GSTCD: variants seen among roughly 807,000 people sequenced by gnomAD.
GSTCD encodes glutathione S-transferase C-terminal domain containing.
In GSTCD, 44 loss-of-function variants were observed where a neutral mutation model predicts 68.3. The ratio of observed to expected loss-of-function variants is 0.64; its 90% confidence interval spans 0.51 to 0.83. The LOEUF (loss-of-function observed/expected upper bound fraction) is 0.83, where lower values mean the gene tolerates loss of function less well. Among genes scored for constraint, GSTCD ranks in the 40% least tolerant of loss-of-function variants. The pLI, the probability that GSTCD is intolerant of heterozygous loss-of-function variation, is 0.00. For missense variants in GSTCD, 739 were observed against 735.9 expected, an observed-to-expected ratio of 1.00 and a Z score of -0.05; for synonymous variants, 273 against 255.2, an observed-to-expected ratio of 1.07 and a Z score of -0.67.
intron 5 of GSTCD, among the ~76,000 whole-genome samples, chr4:105,742,697 G>T (rs1578427287): frequency 7.3e-6 from 1 of 137,274 alleles, no homozygotes; most frequent in African/African-American, 2.6e-5. Flanking sequence ...TTTTTTTGTT[G>T]TTGTTTTTAC....
At chr4:105,763,279 TAACTA>T (rs1209061136) in intron 5 of GSTCD, among the ~76,000 whole-genome samples, 1 of 152,128 alleles carries the variant, frequency 6.6e-6, no homozygotes, top group African/African-American at 2.4e-5. Context: ...GCAAAGGAAA[TAACTA>T]TACTTAAGGA....
chr4:105,790,242 C>A (rs539501889), intron 5 of GSTCD, among the ~76,000 whole-genome samples: 27 of 152,128 alleles, frequency 1.8e-4, no homozygotes, highest in African/African-American at 6.5e-4. Flanking sequence ...ACAATAAACT[C>A]ATATTTTTAA....
chr4:105,763,611 A>G (rs538511170), intron 5 of GSTCD, among the ~76,000 whole-genome samples: 3 of 152,170 alleles, frequency 2.0e-5, no homozygotes, highest in Non-Finnish European at 4.4e-5. Flanking sequence ...TTTACATACC[A>G]TTTTTTAATG....
intron 9 of GSTCD, among the ~76,000 whole-genome samples, chr4:105,835,236 G>T (rs907513171): frequency 6.6e-6 from 1 of 152,170 alleles, no homozygotes; most frequent in Non-Finnish European, 1.5e-5. Context: ...CCTGAGTTTT[G>T]CTTGGGCCCA....
At chr4:105,834,661 A>T in intron 9 of GSTCD, 67 bp downstream of exon 9, 1 of 1,430,256 alleles carries the variant, frequency 7.0e-7, no homozygotes, top group South Asian at 1.4e-5. Context: ...AACTTGTTTG[A>T]TATAAAGTTG....
At chr4:105,823,140 G>A (rs1400352663) in intron 6 of GSTCD, 71 bp downstream of exon 6, 6 of 1,570,132 alleles carry the variant, frequency 3.8e-6, no homozygotes, top group Non-Finnish European at 5.3e-6. Flanking sequence ...TACATTCAAG[G>A]TCATGTTTTT....
chr4:105,774,598 C>T (rs779293308), intron 5 of GSTCD, among the ~76,000 whole-genome samples: 1 of 152,128 alleles, frequency 6.6e-6, no homozygotes, highest in Admixed American at 6.5e-5. Context: ...TTTATTTCTC[C>T]TTTGCTTATG....
intron 5 of GSTCD, among the ~76,000 whole-genome samples, chr4:105,734,737 T>C (rs1733394404): frequency 6.6e-6 from 1 of 152,228 alleles, no homozygotes; most frequent in Admixed American, 6.5e-5. Context: ...CTGCATTCCT[T>C]TGGAGGGGGA....
chr4:105,831,840 G>A (rs1490787454), intron 8 of GSTCD, among the ~76,000 whole-genome samples: 3 of 152,290 alleles, frequency 2.0e-5, no homozygotes, highest in Admixed American at 1.3e-4. Context: ...GGAGGCTGAG[G>A]CAGGAGAATT....
chr4:105,847,136 T>G lies in GSTCD; in HGVS notation c.*1559T>G, dbSNP rs548068424. On this transcript the variant is annotated 3_prime_UTR_variant, in exon 12 of 12. Coordinates refer to ENST00000515279, the MANE Select transcript of GSTCD (RefSeq NM_001370181.1). Reference sequence around the variant, plus strand: ...ATTTTAAAAGACAAATGATGCATCCTTTCTCAATGCTGCTAATTCTTTAAA... The same window carrying G: ...ATTTTAAAAGACAAATGATGCATCCGTTCTCAATGCTGCTAATTCTTTAAA... 1 of 152,344 alleles carries G rather than the reference T, an allele frequency of 6.6e-6. No homozygotes were observed. Among genetic ancestry groups the G allele is most frequent in the Admixed American group, 6.5e-5 (1 of 15,306 alleles). The allele number at this position is 152,344 out of a possible 1,614,324, so 9.4% of individuals were successfully genotyped here.
intron 5 of GSTCD, among the ~76,000 whole-genome samples, chr4:105,802,098 T>G (rs1736125712): frequency 6.6e-6 from 1 of 152,162 alleles, no homozygotes; most frequent in Non-Finnish European, 1.5e-5. Context: ...GGATAATGTT[T>G]ATGAGGATGA....
intron 1 of GSTCD, among the ~76,000 whole-genome samples, chr4:105,709,954 A>G (rs1295712814): frequency 6.6e-6 from 1 of 152,036 alleles, no homozygotes; most frequent in Non-Finnish European, 1.5e-5. Context: ...AATAAACATT[A>G]AGCTATGCGG....
At chr4:105,835,136 G>A (rs985180385) in intron 9 of GSTCD, among the ~76,000 whole-genome samples, 3 of 152,200 alleles carry the variant, frequency 2.0e-5, no homozygotes, top group Non-Finnish European at 4.4e-5. Context: ...TTCAATAAAT[G>A]TGAACTGTTG....
chr4:105,735,834 C>T (rs1733443033), intron 5 of GSTCD, among the ~76,000 whole-genome samples: 1 of 151,520 alleles, frequency 6.6e-6, no homozygotes, highest in Admixed American at 6.6e-5. Context: ...CTGCCCCTGA[C>T]ATATTTTGAA....
chr4:105,724,237 A>G (rs1334731324), intron 3 of GSTCD, among the ~76,000 whole-genome samples: 2 of 151,862 alleles, frequency 1.3e-5, no homozygotes, highest in Non-Finnish European at 3.0e-5. Flanking sequence ...GTTGCCTCTC[A>G]AAGAAGCAAG....
chr4:105,755,056 C>CAAA (rs70941214), intron 5 of GSTCD, among the ~76,000 whole-genome samples: 3 of 50,986 alleles, frequency 5.9e-5, no homozygotes, highest in African/African-American at 1.6e-4. Flanking sequence ...CTCATTTCTC[C>CAAA]AAAAAAAAAA....
At chr4:105,840,631 G>A (rs533222446) in intron 10 of GSTCD, among the ~76,000 whole-genome samples, 3 of 152,290 alleles carry the variant, frequency 2.0e-5, no homozygotes, top group South Asian at 4.1e-4. Flanking sequence ...AACAGTTGTC[G>A]TGGGATCATT....
At chr4:105,737,626 G>A (rs1003742720) in intron 5 of GSTCD, among the ~76,000 whole-genome samples, 2 of 152,244 alleles carry the variant, frequency 1.3e-5, no homozygotes, top group East Asian at 3.9e-4. Flanking sequence ...TTACATTTAA[G>A]TCTTTAGTCC....
At chr4:105,837,095 G>A (rs1443055492) in intron 9 of GSTCD, among the ~76,000 whole-genome samples, 1 of 152,154 alleles carries the variant, frequency 6.6e-6, no homozygotes, top group Non-Finnish European at 1.5e-5. Flanking sequence ...TATTAATCAT[G>A]CCTTTTTAAA....
Sources: allele counts gnomAD v4.1 joint callset (sites outside exome capture counted in the v4.1 genomes callset), GRCh38; gene constraint gnomAD v4.1.1; transcripts MANE v1.5; gene names NCBI Gene and HGNC (gene_info 2026-07-23, HGNC 2026-07-21).